The following NBAS variants were observed in gnomAD, a reference collection of about 807,000 sequenced individuals.
NBAS encodes the protein NAG/BC035112 fusion.
A neutral mutation model predicts 302.5 loss-of-function variants in NBAS; 219 were observed. That is an observed-to-expected ratio of 0.72 (90% confidence interval 0.65 to 0.81). The LOEUF (loss-of-function observed/expected upper bound fraction) is 0.81. Among genes scored for constraint, NBAS ranks in the 30% least tolerant of loss-of-function variants. The probability of loss-of-function intolerance (pLI) is 0.00; values close to 1 mark genes in which losing one functional copy is unlikely to be tolerated. For synonymous variants in NBAS, 1,118 were observed against 1,021.6 expected (o/e 1.09, Z -1.80); for missense variants, 2,932 against 2,841.6 (o/e 1.03, Z -0.72).
the NBAS span, among the ~76,000 whole-genome samples, chr2:14,792,540 G>A: frequency 1.3e-5 from 2 of 152,034 alleles, no homozygotes; most frequent in African/African-American, 4.8e-5. Context: ...AGGTATGACT[G>A]CTACTGAAAA....
At chr2:15,113,186 G>A in the NBAS span, among the ~76,000 whole-genome samples, 5 of 152,052 alleles carry the variant, frequency 3.3e-5, no homozygotes, top group African/African-American at 1.2e-4. Flanking sequence ...TTCATCCCTG[G>A]GTGGGGTAGG....
At chr2:15,132,592 A>T in the NBAS span, among the ~76,000 whole-genome samples, 6 of 152,228 alleles carry the variant, frequency 3.9e-5, no homozygotes, top group Non-Finnish European at 7.3e-5. Flanking sequence ...GGATATAATA[A>T]TGTGTCGATA....
intron 35 of NBAS, among the ~76,000 whole-genome samples, chr2:15,350,825 A>C (rs1211419593): frequency 1.1e-4 from 16 of 152,218 alleles, no homozygotes; most frequent in Admixed American, 1.0e-3. Flanking sequence ...TAACAGGCAA[A>C]GTTTAGGAAA....
At chr2:14,986,319 T>C in the NBAS span, among the ~76,000 whole-genome samples, 2 of 151,948 alleles carry the variant, frequency 1.3e-5, no homozygotes, top group African/African-American at 4.8e-5. Context: ...TGCCAACATA[T>C]AGAGTAGCCC....
chr2:14,957,278 CGTGTGTGTGTGTGTGT>C, the NBAS span, among the ~76,000 whole-genome samples: 122 of 147,570 alleles, frequency 8.3e-4, no homozygotes, highest in South Asian at 2.2e-3. Flanking sequence ...TATACATATA[CGTGTGTGTGTGTGTGT>C]GTGTGTGTGT....
chr2:14,968,812 T>C, the NBAS span, among the ~76,000 whole-genome samples: 1 of 152,136 alleles, frequency 6.6e-6, no homozygotes, highest in Non-Finnish European at 1.5e-5. Context: ...ACATGTAGAG[T>C]TTTAAATAAT....
At chr2:14,949,757 C>T in the NBAS span, among the ~76,000 whole-genome samples, 4 of 152,120 alleles carry the variant, frequency 2.6e-5, no homozygotes, top group African/African-American at 7.2e-5. Context: ...ATGGATGGAA[C>T]TGGAGGTCAT....
At chr2:15,290,890 G>A (rs928986767) in intron 41 of NBAS, among the ~76,000 whole-genome samples, 1 of 151,966 alleles carries the variant, frequency 6.6e-6, no homozygotes, top group Admixed American at 6.5e-5. Context: ...GATAATTTTG[G>A]GTGTAGAAGA....
intron 12 of NBAS, among the ~76,000 whole-genome samples, chr2:15,482,078 G>C (rs774881282): frequency 2.6e-5 from 4 of 152,090 alleles, no homozygotes; most frequent in African/African-American, 9.7e-5. Flanking sequence ...ATTTTTACAA[G>C]GCTGTCCATT....
At chr2:14,909,964 T>C in the NBAS span, among the ~76,000 whole-genome samples, 54 of 152,320 alleles carry the variant, frequency 3.5e-4, no homozygotes, top group East Asian at 4.8e-3. Flanking sequence ...AGGATTGTTG[T>C]TGTTCCTGCT....
the NBAS span, among the ~76,000 whole-genome samples, chr2:15,024,168 T>C: frequency 2.0e-5 from 3 of 152,168 alleles, no homozygotes; most frequent in African/African-American, 7.2e-5. Flanking sequence ...GTTCACCTCT[T>C]TCTATCCATG....
the NBAS span, among the ~76,000 whole-genome samples, chr2:15,015,901 T>C: frequency 1.3e-5 from 2 of 151,846 alleles, no homozygotes; most frequent in Admixed American, 1.3e-4. Flanking sequence ...AAAAAAAAAC[T>C]TTTAGAATTG....
At chr2:15,519,392 G>A (rs992417230) in intron 9 of NBAS, among the ~76,000 whole-genome samples, 1 of 151,992 alleles carries the variant, frequency 6.6e-6, no homozygotes, top group African/African-American at 2.4e-5. Context: ...AATATGAGCA[G>A]AATCCACCAC....
the NBAS span, among the ~76,000 whole-genome samples, chr2:14,998,552 G>A: frequency 6.6e-6 from 1 of 152,228 alleles, no homozygotes; most frequent in African/African-American, 2.4e-5. Context: ...TACTGCAATG[G>A]TGAGGAGAAA....
chr2:15,402,112 G>A, intron 26 of NBAS, 56 bp downstream of exon 26: 1 of 1,601,934 alleles, frequency 6.2e-7, no homozygotes, highest in Non-Finnish European at 8.5e-7. Context: ...CAACGTTTTT[G>A]TTTTAACTGT....
At chr2:15,436,512 G>A (rs1211502557) in intron 21 of NBAS, among the ~76,000 whole-genome samples, 1 of 152,044 alleles carries the variant, frequency 6.6e-6, no homozygotes. Flanking sequence ...GCAGTAGGAA[G>A]AAAAAAATGT....
the NBAS span, among the ~76,000 whole-genome samples, chr2:15,077,357 T>C: frequency 2.6e-5 from 4 of 152,142 alleles, no homozygotes; most frequent in Admixed American, 6.5e-5. Context: ...CAAGATGAGA[T>C]GGGGGCACAG....
intron 38 of NBAS, among the ~76,000 whole-genome samples, chr2:15,319,196 C>G (rs1572647993): frequency 6.6e-6 from 1 of 152,202 alleles, no homozygotes; most frequent in Non-Finnish European, 1.5e-5. Flanking sequence ...TTCTTTGAAA[C>G]CAGTGAGAAC....
the NBAS span, among the ~76,000 whole-genome samples, chr2:15,105,834 C>T: frequency 1.3e-5 from 2 of 152,150 alleles, no homozygotes; most frequent in African/African-American, 4.8e-5. Context: ...TCCCCTGGTC[C>T]TTCAAGATCT....
Sources: allele counts gnomAD v4.1 joint callset (sites outside exome capture counted in the v4.1 genomes callset), GRCh38; gene constraint gnomAD v4.1.1; transcripts MANE v1.5; gene names NCBI Gene and HGNC (gene_info 2026-07-23, HGNC 2026-07-21).